Variants in EYA1 observed in about 807,000 individuals in gnomAD.
EYA1 encodes EYA transcriptional coactivator and phosphatase 1.
A neutral mutation model predicts 82.0 loss-of-function variants in EYA1; 16 were observed. That is an observed-to-expected ratio of 0.20 (90% confidence interval 0.13 to 0.30). The LOEUF (loss-of-function observed/expected upper bound fraction) is 0.30. Ranked by LOEUF, EYA1 falls within the 10% of genes least tolerant of loss-of-function variation. The pLI, the probability that EYA1 is intolerant of heterozygous loss-of-function variation, is 1.00. For synonymous variants in EYA1, 261 were observed against 264.4 expected (o/e 0.99, Z 0.12); for missense variants, 633 against 730.7 (o/e 0.87, Z 1.54).
chr8:71,454,243 C>T (rs1807676532), intron 2 of EYA1, among the ~76,000 whole-genome samples: 1 of 152,142 alleles, frequency 6.6e-6, no homozygotes, highest in Non-Finnish European at 1.5e-5. Flanking sequence ...TATATGCACT[C>T]AATACAGGAG....
Position 71,478,505 on chromosome 8 carries a change from G to C in EYA1, c.33+57239C>G, listed in dbSNP as rs191778056. Among the ~76,000 whole-genome samples, 46 of 152,212 alleles carry C rather than the reference G, an allele frequency of 3.0e-4. 1 individual carries two copies. In the East Asian group the frequency reaches 6.8e-3, roughly 22 times the overall value. On this transcript the variant is annotated intron_variant, in intron 2 of 18. Transcript: ENST00000643681. Reference sequence around the variant, plus strand: ...AAATGTTATCCTTGGAGAACTTATGGCTACCCCAAAAATCATGGGAGTAAA... The same window carrying C: ...AAATGTTATCCTTGGAGAACTTATGCCTACCCCAAAAATCATGGGAGTAAA...
At position 71,471,563 on chromosome 8, in the gene EYA1, A is replaced by G. The variant is rs907856698; in HGVS notation, c.33+64181T>C. 2.6e-5 allele frequency among the ~76,000 whole-genome samples: 4 copies of G among 152,158 alleles called. No homozygotes were observed. In the South Asian group the frequency reaches 8.3e-4, roughly 32 times the overall value. Reference sequence around the variant, plus strand: ...ACTGTTTTCTCATAAATAAAACACAAAAGTGATCTCGTACTCAATTTATAG... The same window carrying G: ...ACTGTTTTCTCATAAATAAAACACAGAAGTGATCTCGTACTCAATTTATAG... On this transcript the variant is annotated intron_variant, in intron 2 of 18. Transcript: ENST00000643681.
At chr8:71,350,883 A>C (rs1187971706) in intron 3 of EYA1, among the ~76,000 whole-genome samples, 1 of 152,200 alleles carries the variant, frequency 6.6e-6, no homozygotes, top group Non-Finnish European at 1.5e-5. Context: ...ACAAGGCCTT[A>C]ATTACATACG....
chr8:71,252,482 C>T (rs562487181), intron 11 of EYA1, among the ~76,000 whole-genome samples: 38 of 152,216 alleles, frequency 2.5e-4, no homozygotes, highest in African/African-American at 9.1e-4. Context: ...AATGTTCATA[C>T]AATTCCTCAT....
chr8:71,356,077 C>T (rs1321015931), intron 2 of EYA1, among the ~76,000 whole-genome samples: 2 of 152,162 alleles, frequency 1.3e-5, no homozygotes, highest in African/African-American at 2.4e-5. Flanking sequence ...ATTTAGAGGT[C>T]GCACTTACAT....
intron 2 of EYA1, among the ~76,000 whole-genome samples, chr8:71,406,398 G>A (rs554425938): frequency 2.5e-4 from 38 of 152,272 alleles, no homozygotes; most frequent in Middle Eastern, 3.4e-3. Flanking sequence ...GAACAGCTCC[G>A]GTCTACAGCT....
intron 2 of EYA1, among the ~76,000 whole-genome samples, chr8:71,467,646 A>G (rs1808878470): frequency 1.3e-5 from 2 of 152,146 alleles, no homozygotes; most frequent in African/African-American, 2.4e-5. Context: ...GCTTCTTCCC[A>G]TTAGAGTCAT....
chr8:71,324,913 T>C (rs1425287684), intron 4 of EYA1, among the ~76,000 whole-genome samples: 1 of 152,194 alleles, frequency 6.6e-6, no homozygotes, highest in African/African-American at 2.4e-5. Context: ...TCACCTGGAC[T>C]ACTGCAACAG....
At chr8:71,456,572 G>A (rs938347840) in intron 2 of EYA1, among the ~76,000 whole-genome samples, 13 of 151,876 alleles carry the variant, frequency 8.6e-5, no homozygotes, top group Non-Finnish European at 1.5e-5. Context: ...TAGATCAATG[G>A]AACAGAACAG....
intron 2 of EYA1, among the ~76,000 whole-genome samples, chr8:71,483,345 C>T (rs201885401): frequency 0.099 from 15,070 of 152,168 alleles, 973 homozygotes; most frequent in African/African-American, 0.18. Context: ...TTTAACACTG[C>T]AAAGCCCTCA....
At chr8:71,444,921 A>G (rs1277456580) in intron 2 of EYA1, among the ~76,000 whole-genome samples, 1 of 152,204 alleles carries the variant, frequency 6.6e-6, no homozygotes. Flanking sequence ...GAAATCCTAA[A>G]ATGTAATATT....
At chr8:71,545,557 CCTTT>C (rs1815488087) in intron 1 of EYA1, among the ~76,000 whole-genome samples, 1 of 128,622 alleles carries the variant, frequency 7.8e-6, no homozygotes, top group African/African-American at 3.1e-5. Flanking sequence ...TTATTTTGTT[CCTTT>C]TTTTTTTTTT....
At chr8:71,365,849 T>G (rs1249169605), upstream of EYA1, among the ~76,000 whole-genome samples, 1 of 152,194 alleles carries the variant, frequency 6.6e-6, no homozygotes, top group African/African-American at 2.4e-5. Context: ...CCTCTATTTA[T>G]TTTAAGAATG....
At position 71,303,293 on chromosome 8, in the gene EYA1, T is replaced by C. The variant is rs1820385854; in HGVS notation, c.557-3573A>G. On this transcript the variant is annotated intron_variant, in intron 7 of 17. Coordinates refer to ENST00000340726, the MANE Select transcript of EYA1 (RefSeq NM_000503.6). ...ATATATGTGTGTGTTTATCAATCTC[T>C]GTGATGTACGTACATTTGATATACA... 1.7e-5 allele frequency among the ~76,000 whole-genome samples: 2 copies of C among 117,716 alleles called. 1 individual carries two copies. Among genetic ancestry groups the C allele is most frequent in the Non-Finnish European group, 3.8e-5 (2 of 52,032 alleles). The allele number at this position is 117,716 out of a possible 152,430, so 77.2% of individuals were successfully genotyped here. A position where few individuals can be genotyped will look rare whatever the true frequency, so the allele number is the denominator to read the frequency against.
chr8:71,429,721 T>G (rs190376561), intron 2 of EYA1, among the ~76,000 whole-genome samples: 2 of 152,286 alleles, frequency 1.3e-5, no homozygotes, highest in Admixed American at 6.5e-5. Flanking sequence ...CTATTTCATA[T>G]AAAAGGGACT....
Position 71,378,214 on chromosome 8 carries a change from G to T in EYA1, c.34-21703C>A, listed in dbSNP as rs1828488590. On this transcript the variant is annotated intron_variant, in intron 2 of 18. Coordinates refer to the EYA1 transcript ENST00000643681. ...CCCCCCTCCCACCCCCAGTCTTCCT[G>T]CCATTAAGATTAGGCTTGCAGGGAG... 2.0e-5 allele frequency among the ~76,000 whole-genome samples: 3 copies of T among 151,728 alleles called. No individual in the cohort carries two copies. In the South Asian group the frequency reaches 6.3e-4, roughly 32 times the overall value.
chr8:71,230,696 C>T (rs747739399), intron 12 of EYA1, among the ~76,000 whole-genome samples: 9 of 152,138 alleles, frequency 5.9e-5, no homozygotes, highest in East Asian at 1.9e-4. Context: ...GAAACTATGG[C>T]GAAACTAGGA....
intron 4 of EYA1, among the ~76,000 whole-genome samples, chr8:71,325,809 T>C (rs1457852883): frequency 1.3e-5 from 2 of 152,182 alleles, no homozygotes; most frequent in Non-Finnish European, 2.9e-5. Flanking sequence ...AATCCAAACC[T>C]CTGTATGGCT....
chr8:71,307,779 G>T (rs532829013), intron 7 of EYA1, among the ~76,000 whole-genome samples: 3 of 152,278 alleles, frequency 2.0e-5, no homozygotes, highest in Admixed American at 2.0e-4. Flanking sequence ...GGAGCATGCC[G>T]CTAGGATGTT....
Sources: allele counts gnomAD v4.1 joint callset (sites outside exome capture counted in the v4.1 genomes callset), GRCh38; gene constraint gnomAD v4.1.1; transcripts MANE v1.5; gene names NCBI Gene and HGNC (gene_info 2026-07-23, HGNC 2026-07-21).